Variants in C6orf89 observed in about 807,000 individuals in gnomAD.
C6orf89 encodes the protein bombesin receptor-activated protein C6orf89.
C6orf89 carries 29 observed loss-of-function variants against 40.7 expected under a neutral mutation model. The observed-to-expected ratio is 0.71, with a 90% CI of 0.53 to 0.97. The LOEUF is 0.97. C6orf89 is among the 50% of genes least tolerant of loss of function. C6orf89 has a pLI of 0.00. For synonymous variants in C6orf89, 165 were observed against 152.2 expected, an observed-to-expected ratio of 1.08 and a Z score of -0.62; for missense variants, 392 against 429.1, an observed-to-expected ratio of 0.91 and a Z score of 0.76.
At chr6:36,904,094 C>T (rs1286801964) in intron 4 of C6orf89, among the ~76,000 whole-genome samples, 1 of 152,200 alleles carries the variant, frequency 6.6e-6, no homozygotes, top group Non-Finnish European at 1.5e-5. Flanking sequence ...TGACTGTCTT[C>T]CCCTCAAAGC....
At chr6:36,885,911 C>CT (rs397802529), upstream of C6orf89, 4 of 986,806 alleles carry the variant, frequency 4.1e-6, no homozygotes, top group African/African-American at 1.7e-5. Context: ...AAGGCCTCGC[C>CT]CAGGAGTGGG....
At chr6:36,894,331 A>G (rs531439581) in intron 1 of C6orf89, among the ~76,000 whole-genome samples, 173 bp from the exon 2 acceptor site, 1 of 152,228 alleles carries the variant, frequency 6.6e-6, no homozygotes, top group African/African-American at 2.4e-5. Context: ...ATGGGTTTTG[A>G]CTGGGTATTG....
At chr6:36,879,552 T>G (rs1774747494) in intron 2 of C6orf89, among the ~76,000 whole-genome samples, 1 of 152,134 alleles carries the variant, frequency 6.6e-6, no homozygotes. Flanking sequence ...ATGGTAAAAA[T>G]CACTGTTTAT....
At position 36,902,374 on chromosome 6, in the gene C6orf89, T is replaced by C. The variant is rs922943097; in HGVS notation, c.343T>C (p.Tyr115His). Residue 115 changes from tyrosine (Y) to histidine (H), a missense_variant, in exon 4 of 9, where the codon TAC (tyrosine) becomes CAC (histidine). Tyr to His is a moderately conservative substitution (Grantham distance 83). Coordinates refer to ENST00000480824, the MANE Select transcript of C6orf89 (RefSeq NM_001286635.2). ...RLMSLPIAKK[Y>H]MSENKGVPLH... ...GATGTCCTTGCCCATTGCCAAGAAG[T>C]ACATGTCAGAAAATAAGGGAGTTCC... is the stretch of plus-strand genomic sequence containing the variant. 2.5e-6 allele frequency: 4 copies of C among 1,614,088 alleles called. No individual in the cohort carries two copies. Among genetic ancestry groups the C allele is most frequent in the African/African-American group, 1.3e-5 (1 of 74,930 alleles).
At chr6:36,903,966 A>G (rs1315312182) in intron 4 of C6orf89, among the ~76,000 whole-genome samples, 1 of 152,170 alleles carries the variant, frequency 6.6e-6, no homozygotes, top group Non-Finnish European at 1.5e-5. Flanking sequence ...CTAAAAAAAA[A>G]AAAATGCAGT....
rs748341616 is a variant in C6orf89, at chr6:36,919,694, G to A, written c.942G>A (p.Gly314=). The stretch of plus-strand genomic sequence containing the variant: ...CTGTGGCCATGCCAATAGAGCCAGG[G>A]GATATCGGTATGTAGGGCCCCAGGA... ...CQSVAMPIEP[G]DIGYVDTTHW... is the part of the protein sequence containing the mutation. The change falls in exon 8 of 9, where the codon GGG becomes GGA. Residue 314 remains glycine (G), a synonymous_variant. Coordinates refer to ENST00000480824, the MANE Select transcript of C6orf89 (RefSeq NM_001286635.2). 4 of 1,612,320 alleles carry A rather than the reference G, an allele frequency of 2.5e-6. No individual in the cohort carries two copies. The East Asian group carries it at 6.7e-5, about 27-fold the overall frequency.
At chr6:36,874,771 A>G in intron 1 of C6orf89, 5 of 1,614,154 alleles carry the variant, frequency 3.1e-6, no homozygotes, top group Non-Finnish European at 4.2e-6. Flanking sequence ...AATTGCCGCC[A>G]TAGCGAAGCC....
At chr6:36,916,409 G>A (rs1762322938) in intron 6 of C6orf89, 36 bp from the exon 7 acceptor site, 1 of 1,612,514 alleles carries the variant, frequency 6.2e-7, no homozygotes, top group South Asian at 1.1e-5. Context: ...GGCTTGACCA[G>A]TTTAATTACT....
intron 1 of C6orf89, among the ~76,000 whole-genome samples, chr6:36,887,138 G>T (rs1374480377): frequency 6.7e-6 from 1 of 148,850 alleles, no homozygotes; most frequent in Non-Finnish European, 1.5e-5. Flanking sequence ...TTTTTGAGAC[G>T]GAGTCTCACA....
intron 1 of C6orf89, among the ~76,000 whole-genome samples, chr6:36,894,010 C>T (rs1013147562): frequency 1.1e-4 from 15 of 133,198 alleles, no homozygotes; most frequent in African/African-American, 2.9e-4. Context: ...GGCAACACAG[C>T]GAGACTCTGT....
intron 1 of C6orf89, among the ~76,000 whole-genome samples, chr6:36,890,131 TTATTAC>T (rs1270507848): frequency 6.6e-6 from 1 of 152,244 alleles, no homozygotes; most frequent in Non-Finnish European, 1.5e-5. Context: ...TTCTTACTTA[TTATTAC>T]TATTAGCAAT....
At chr6:36,894,762 G>A (rs779334709) in intron 2 of C6orf89, among the ~76,000 whole-genome samples, 159 bp downstream of exon 2, 4 of 152,190 alleles carry the variant, frequency 2.6e-5, no homozygotes, top group Non-Finnish European at 4.4e-5. Context: ...AATATTTCCA[G>A]AGTGTTTAGC....
chr6:36,923,303 C>T, intron 8 of C6orf89, 44 bp from the exon 9 acceptor site: 3 of 1,508,972 alleles, frequency 2.0e-6, no homozygotes, highest in Non-Finnish European at 2.8e-6. Context: ...GGTGTGCCCA[C>T]CCTCTGACAT....
At chr6:36,888,389 T>G (rs1018680471) in intron 1 of C6orf89, among the ~76,000 whole-genome samples, 2 of 152,198 alleles carry the variant, frequency 1.3e-5, no homozygotes, top group African/African-American at 4.8e-5. Context: ...CCTAGCACTT[T>G]GGGAGGCTAA....
chr6:36,908,427 A>G (rs1352621073), intron 4 of C6orf89, among the ~76,000 whole-genome samples: 1 of 151,890 alleles, frequency 6.6e-6, no homozygotes, highest in African/African-American at 2.4e-5. Context: ...GCATACAAAG[A>G]CAGTAAGAGG....
Position 36,913,850 on chromosome 6 carries a change from ATC to A in C6orf89, c.404-433_404-432del, listed in dbSNP as rs879672275. Among the ~76,000 whole-genome samples, 3,049 of 152,312 alleles carry A rather than the reference ATC, an allele frequency of 0.02. 200 individuals carry two copies. In the East Asian group the frequency reaches 0.26, roughly 13 times the overall value. Reference sequence around the variant, plus strand: ...ACCTTTTCAGCGGTCTCCAGTGCTTATCATTGTTTGTTTTTAAAAATTATTAT... The same window carrying A: ...ACCTTTTCAGCGGTCTCCAGTGCTTAATTGTTTGTTTTTAAAAATTATTAT... On this transcript the variant is annotated intron_variant, in intron 4 of 8. Coordinates refer to ENST00000480824, the MANE Select transcript of C6orf89 (RefSeq NM_001286635.2).
At chr6:36,902,552 A>G in intron 4 of C6orf89, 118 bp downstream of exon 4, 2 of 852,360 alleles carry the variant, frequency 2.3e-6, no homozygotes, top group Non-Finnish European at 3.6e-6. Flanking sequence ...GTATCTTTTA[A>G]TTCAGTCCCC....
chr6:36,900,316 C>T (rs1426652325), intron 3 of C6orf89, among the ~76,000 whole-genome samples: 3 of 151,584 alleles, frequency 2.0e-5, no homozygotes, highest in South Asian at 4.2e-4. Flanking sequence ...ATTCTCCTGC[C>T]TCAGCCTCCC....
At chr6:36,920,332 A>G (rs1177333549) in intron 8 of C6orf89, among the ~76,000 whole-genome samples, 1 of 152,208 alleles carries the variant, frequency 6.6e-6, no homozygotes, top group Non-Finnish European at 1.5e-5. Flanking sequence ...TTCCAAAGAA[A>G]CAGGTTTGAA....
Sources: allele counts gnomAD v4.1 joint callset (sites outside exome capture counted in the v4.1 genomes callset), GRCh38; gene constraint gnomAD v4.1.1; transcripts MANE v1.5; gene names NCBI Gene and HGNC (gene_info 2026-07-23, HGNC 2026-07-21).